B4GALT2: variants seen among roughly 807,000 people sequenced by gnomAD.
B4GALT2 encodes the protein N-acetyllactosamine synthase.
In B4GALT2, 18 loss-of-function variants were observed where a neutral mutation model predicts 33.2. The ratio of observed to expected loss-of-function variants is 0.54; its 90% CI spans 0.38 to 0.80. B4GALT2 has a LOEUF of 0.80. Among genes scored for constraint, B4GALT2 ranks in the 30% least tolerant of loss-of-function variants. B4GALT2 has a pLI of 0.00. For missense variants in B4GALT2, 404 were observed against 526.2 expected (o/e 0.77, Z 2.27); for synonymous variants, 214 against 217.6 (o/e 0.98, Z 0.15).
In B4GALT2 at chr1:43,985,587, G is replaced by A. The variant is rs747239368; in HGVS notation, c.934G>A (p.Asp312Asn). The A allele has an allele frequency of 7.4e-6, 12 of 1,613,756 alleles. No individual in the cohort carries two copies. The highest frequency in any genetic ancestry group is 3.3e-5 in the Admixed American group (2 of 59,992). The change falls in exon 6 of 7, where the codon GAC becomes AAC. Residue 312 changes from aspartate (D) to asparagine (N), a missense_variant. By Grantham distance (23) the Asp-to-Asn change is conservative. Coordinates refer to ENST00000372324, the MANE Select transcript of B4GALT2 (RefSeq NM_003780.5). ...RIGRYRMIKH[D>N]RDKHNEPNPQ... is the part of the protein sequence containing the mutation. ...CGGCCGCTACCGCATGATCAAGCAC[G>A]ACCGCGACAAGCATAACGAACCTAA... is the stretch of plus-strand genomic sequence containing the variant.
intron 3 of B4GALT2, among the ~76,000 whole-genome samples, chr1:43,983,340 C>T (rs2085621504): frequency 6.6e-6 from 1 of 152,166 alleles, no homozygotes; most frequent in Non-Finnish European, 1.5e-5. Flanking sequence ...AAAGAGGCCG[C>T]TACAGAGGCC....
At chr1:43,980,435 G>A in intron 1 of B4GALT2, 1 of 602,908 alleles carries the variant, frequency 1.7e-6, no homozygotes, top group Non-Finnish European at 2.1e-6. Flanking sequence ...TGCTCCAGTG[G>A]GAAGGGATTC....
At chr1:43,989,516 T>G (rs1181325607) in intron 6 of B4GALT2, among the ~76,000 whole-genome samples, 1 of 152,136 alleles carries the variant, frequency 6.6e-6, no homozygotes, top group East Asian at 1.9e-4. Context: ...GGTCAACAGG[T>G]TACTGGAGGA....
At chr1:43,980,591 A>C in intron 1 of B4GALT2, 1 of 996,212 alleles carries the variant, frequency 1.0e-6, no homozygotes, top group Non-Finnish European at 1.2e-6. Context: ...AAATGAAGTC[A>C]TGAGTATAAA....
In B4GALT2 at chr1:43,984,952, A is replaced by G. The variant is rs1205314161; in HGVS notation, c.637A>G (p.Ile213Val). Residue 213 changes from isoleucine (I) to valine (V), a missense_variant, in exon 4 of 7, where the codon ATC becomes GTC. By Grantham distance (29) the Ile-to-Val change is conservative (BLOSUM62 3). Transcript: ENST00000372324. The surrounding 1 kb of genome is among the most constrained non-coding windows in gnomAD (Gnocchi z 5.6). ...LKEDAAYDCFIFSDVDLVPMD... is the reference protein window; with the variant it reads ...LKEDAAYDCFVFSDVDLVPMD... ...GGAGGATGCCGCCTATGACTGCTTC[A>G]TCTTCAGCGATGTGGACCTGGTCCC... 1 of 1,614,004 alleles carries G rather than the reference A, an allele frequency of 6.2e-7. No individual in the cohort carries two copies. Among genetic ancestry groups the G allele is most frequent in the Non-Finnish European group, 8.5e-7 (1 of 1,179,994 alleles).
At chr1:43,983,632 A>C (rs2085624796) in intron 3 of B4GALT2, among the ~76,000 whole-genome samples, 1 of 152,214 alleles carries the variant, frequency 6.6e-6, no homozygotes, top group Non-Finnish European at 1.5e-5. Context: ...TTTAAAAAAA[A>C]ATCCCTGCTG....
In B4GALT2 at chr1:43,990,766, A is replaced by C; in HGVS notation, c.*318A>C. 6 of 347,540 alleles carry C rather than the reference A, an allele frequency of 1.7e-5. No individual in the cohort carries two copies. Among genetic ancestry groups the C allele is most frequent in the South Asian group, 3.7e-5 (1 of 27,178 alleles). The allele number at this position is 347,540 out of a possible 1,614,324, so 21.5% of individuals were successfully genotyped here. A position where few individuals can be genotyped will look rare whatever the true frequency, so the allele number is the denominator to read the frequency against. ...CTCGCAGAGTGGCCTGGGCTAGGTC[A>C]CTCCACCTCTCTGTGCCTCAGTTTC... On this transcript the variant is annotated 3_prime_UTR_variant, in exon 7 of 7. Transcript: ENST00000372324.
At chr1:43,989,708 T>C (rs1359592241) in intron 6 of B4GALT2, among the ~76,000 whole-genome samples, 1 of 152,202 alleles carries the variant, frequency 6.6e-6, no homozygotes, top group Admixed American at 6.5e-5. Context: ...CTAGAACCAG[T>C]CCATGGCCGA....
chr1:43,990,008 T>G lies in B4GALT2; in HGVS notation c.969-290T>G, dbSNP rs147020609. ...AACCCTTGCCTGGCATGGCCTTAGATCCTATTTATAATTAGGTATCTTATT... is the reference window on the plus strand; with the variant it reads ...AACCCTTGCCTGGCATGGCCTTAGAGCCTATTTATAATTAGGTATCTTATT... On this transcript the variant is annotated intron_variant, in intron 6 of 6. Coordinates refer to ENST00000372324, the MANE Select transcript of B4GALT2 (RefSeq NM_003780.5). Among the ~76,000 whole-genome samples the G allele has an allele frequency of 2.6e-3, 396 of 152,370 alleles. 1 individual carries two copies. The highest frequency in any genetic ancestry group is 4.2e-3 in the Non-Finnish European group (284 of 68,042).
rs888110818 is a variant in B4GALT2, at chr1:43,984,028, GGCTCAGGGGTCAGC to G, written c.550-834_550-821del. On this transcript the variant is annotated intron_variant, in intron 3 of 6. Coordinates refer to ENST00000372324, the MANE Select transcript of B4GALT2 (RefSeq NM_003780.5). This position sits in a 1 kb window ranked among gnomAD's most constrained non-coding sequence, Gnocchi z 5.6. ...CCTGGAGACTGCAGGTTGGGGCAGGGGCTCAGGGGTCAGCGCCTCCCACTGAATGCTCCCTGCTA... is the reference window on the plus strand; with the variant it reads ...CCTGGAGACTGCAGGTTGGGGCAGGGGCCTCCCACTGAATGCTCCCTGCTA... Among the ~76,000 whole-genome samples the G allele has an allele frequency of 2.0e-5, 3 of 152,342 alleles. No homozygotes were observed. The highest frequency in any genetic ancestry group is 6.5e-5 in the Admixed American group (1 of 15,304).
At position 43,982,473 on chromosome 1, in the gene B4GALT2, G is replaced by C. The variant is rs969560283; in HGVS notation, c.549+549G>C. ...GACACAAGTGGAGGTGGAGCAGGGG[G>C]CCGTGGGAGCACAGAGGGCCCCAGT... On this transcript the variant is annotated intron_variant, in intron 3 of 6. Transcript: ENST00000372324. The surrounding 1 kb of genome is among the most constrained non-coding windows in gnomAD (Gnocchi z 4.3). Among the ~76,000 whole-genome samples, 3 of 152,158 alleles carry C rather than the reference G, an allele frequency of 2.0e-5. No homozygotes were observed. The highest frequency in any genetic ancestry group is 4.4e-5 in the Non-Finnish European group (3 of 68,026).
At chr1:43,980,252 C>T (rs562563938) in intron 1 of B4GALT2, 2 of 541,050 alleles carry the variant, frequency 3.7e-6, no homozygotes, top group South Asian at 5.8e-5. Flanking sequence ...CAGGCAAGAC[C>T]CCCTTCCTGC....
rs1292554946 is a variant in B4GALT2, at chr1:43,982,896, G to A, written c.549+972G>A. Among the ~76,000 whole-genome samples the A allele has an allele frequency of 2.0e-5, 3 of 152,184 alleles. No individual in the cohort carries two copies. The highest frequency in any genetic ancestry group is 6.5e-5 in the Admixed American group (1 of 15,280). On this transcript the variant is annotated intron_variant, in intron 3 of 6. Coordinates refer to ENST00000372324, the MANE Select transcript of B4GALT2 (RefSeq NM_003780.5). This position sits in a 1 kb window ranked among gnomAD's most constrained non-coding sequence, Gnocchi z 4.3. Reference sequence around the variant, plus strand: ...GCGTGGCCCGTTTGGAAGAGAGGACGATGCCCAGGAAAGAGGCGGTGACCC... The same window carrying A: ...GCGTGGCCCGTTTGGAAGAGAGGACAATGCCCAGGAAAGAGGCGGTGACCC...
chr1:43,988,279 G>A (rs968159689), intron 6 of B4GALT2, among the ~76,000 whole-genome samples: 1 of 151,308 alleles, frequency 6.6e-6, no homozygotes, highest in Non-Finnish European at 1.5e-5. Flanking sequence ...GGGAGACTGA[G>A]GCAGGCAGAT....
intron 6 of B4GALT2, among the ~76,000 whole-genome samples, chr1:43,988,920 C>A (rs2085691116): frequency 6.6e-6 from 1 of 150,386 alleles, no homozygotes. Flanking sequence ...CTGACTGGAG[C>A]AGCTGACATC....
At chr1:43,983,909 A>G (rs1024756517) in intron 3 of B4GALT2, among the ~76,000 whole-genome samples, 12 of 152,150 alleles carry the variant, frequency 7.9e-5, no homozygotes, top group Non-Finnish European at 1.8e-4. Flanking sequence ...CTCTTCTGGC[A>G]GTGGCTTTGC....
intron 6 of B4GALT2, among the ~76,000 whole-genome samples, chr1:43,989,635 C>T (rs946310431): frequency 1.6e-4 from 24 of 152,160 alleles, no homozygotes; most frequent in African/African-American, 4.6e-4. Flanking sequence ...TTAAATATAT[C>T]GCAGTTAGGC....
chr1:43,986,151 G>A (rs2085657043), intron 6 of B4GALT2: 1 of 162,346 alleles, frequency 6.2e-6, no homozygotes, highest in Non-Finnish European at 1.4e-5. Context: ...TATCAGGCTG[G>A]CTGGGAGAAG....
chr1:43,990,144 C>T (rs984399077), intron 6 of B4GALT2, among the ~76,000 whole-genome samples, 154 bp from the exon 7 acceptor site: 17 of 152,186 alleles, frequency 1.1e-4, no homozygotes, highest in African/African-American at 3.9e-4. Flanking sequence ...GCATGTTTGA[C>T]GTCCCTTCCC....
Sources: gnomAD v4.1 joint callset for allele counts (sites outside exome capture counted in the v4.1 genomes callset) on GRCh38, gnomAD v4.1.1 for gene constraint, Gnocchi (gnomAD v3.1) non-coding constraint, MANE v1.5 for transcripts, NCBI Gene and HGNC (gene_info 2026-07-23, HGNC 2026-07-21) for gene names.